The following DAPK2 variants were observed in gnomAD, a reference collection of about 807,000 sequenced individuals.
DAPK2 encodes the protein death-associated protein kinase 2.
DAPK2 carries 35 observed loss-of-function variants against 44.1 expected under a neutral mutation model. The ratio of observed to expected loss-of-function variants is 0.79; its 90% CI spans 0.61 to 1.05. DAPK2 has a LOEUF of 1.05. Ranked by LOEUF, DAPK2 falls within the 50% of genes least tolerant of loss-of-function variation. The pLI, the probability that DAPK2 is intolerant of heterozygous loss-of-function variation, is 0.00. For missense variants in DAPK2, 453 were observed against 483.2 expected, an observed-to-expected ratio of 0.94 and a Z score of 0.59; for synonymous variants, 174 against 182.6, an observed-to-expected ratio of 0.95 and a Z score of 0.38.
At chr15:63,968,283 G>C (rs1409882130) in intron 3 of DAPK2, among the ~76,000 whole-genome samples, 1 of 152,254 alleles carries the variant, frequency 6.6e-6, no homozygotes, top group African/African-American at 2.4e-5. Context: ...TAGGCCAAGG[G>C]ACCCACGGGT....
intron 1 of DAPK2, among the ~76,000 whole-genome samples, chr15:64,021,240 C>G (rs2079673532): frequency 6.6e-6 from 1 of 152,154 alleles, no homozygotes; most frequent in Admixed American, 6.5e-5. Context: ...CCCCCAGGCT[C>G]ACGTCAGCAC....
At chr15:63,915,120 T>C (rs976025160) in intron 8 of DAPK2, among the ~76,000 whole-genome samples, 1 of 152,250 alleles carries the variant, frequency 6.6e-6, no homozygotes, top group Non-Finnish European at 1.5e-5. Context: ...GCAAATATGA[T>C]ATAAATGCTA....
intron 3 of DAPK2, among the ~76,000 whole-genome samples, chr15:63,946,050 C>T (rs72752965): frequency 0.02 from 3,038 of 152,366 alleles, 52 homozygotes; most frequent in Non-Finnish European, 0.032. Context: ...CTCCAAAGCA[C>T]GGCTGGAGGG....
intron 1 of DAPK2, among the ~76,000 whole-genome samples, chr15:63,989,549 C>T (rs1052224835): frequency 2.0e-5 from 3 of 152,144 alleles, no homozygotes; most frequent in Non-Finnish European, 4.4e-5. Flanking sequence ...AGGGGCCCAT[C>T]CCAGAAGAGA....
At chr15:64,008,538 A>C (rs1300524028) in intron 1 of DAPK2, among the ~76,000 whole-genome samples, 3 of 152,260 alleles carry the variant, frequency 2.0e-5, no homozygotes, top group Non-Finnish European at 4.4e-5. Context: ...GCTGGAAACA[A>C]GCTAAGCATT....
intron 2 of DAPK2, among the ~76,000 whole-genome samples, chr15:63,982,770 G>A (rs1330813303): frequency 6.6e-6 from 1 of 152,198 alleles, no homozygotes; most frequent in African/African-American, 2.4e-5. Flanking sequence ...CCTGGCTATA[G>A]GCTCCTGTAA....
At chr15:64,042,711 A>G (rs1401141018), upstream of DAPK2, among the ~76,000 whole-genome samples, 2 of 152,178 alleles carry the variant, frequency 1.3e-5, no homozygotes, top group African/African-American at 4.8e-5. The surrounding 1 kb of genome is among the most constrained non-coding windows in gnomAD (Gnocchi z 4.7). Flanking sequence ...TATATCCTAT[A>G]TTCCAGCCAA....
At chr15:63,983,849 A>T (rs2078599149) in intron 1 of DAPK2, 95 bp from the exon 3 acceptor site, 2 of 1,246,100 alleles carry the variant, frequency 1.6e-6, no homozygotes, top group Admixed American at 2.0e-5. Flanking sequence ...ATTCAGAGTG[A>T]TTCTGCCAGG....
chr15:64,030,228 C>T (rs1251207038), intron 1 of DAPK2, among the ~76,000 whole-genome samples: 1 of 152,114 alleles, frequency 6.6e-6, no homozygotes, highest in Non-Finnish European at 1.5e-5. Flanking sequence ...GCAGAGGTTG[C>T]AGTGAGTCGA....
rs541379860 is a variant in DAPK2, at chr15:63,929,608, C to T, written c.633-31G>A. The T allele has an allele frequency of 1.3e-5, 21 of 1,613,676 alleles. No homozygotes were observed. The East Asian group carries it at 4.0e-4, about 31-fold the overall frequency. On this transcript the variant is annotated intron_variant, in intron 5 of 10. Transcript: ENST00000261891. Reference sequence around the variant, plus strand: ...AAATAAAGAACAGTCAAGTCAGGGCCACCTGGGTCCCATCCCCGACCAGCA... The same window carrying T: ...AAATAAAGAACAGTCAAGTCAGGGCTACCTGGGTCCCATCCCCGACCAGCA...
intron 4 of DAPK2, among the ~76,000 whole-genome samples, chr15:63,933,484 C>G (rs2077035658): frequency 6.6e-6 from 1 of 152,154 alleles, no homozygotes; most frequent in South Asian, 2.1e-4. Flanking sequence ...CTCAGGTGAT[C>G]CACGCCTCTC....
upstream of DAPK2, chr15:64,046,391 A>ACGGCGGGC: frequency 9.0e-6 from 2 of 221,740 alleles, no homozygotes; most frequent in Non-Finnish European, 1.3e-5. The surrounding 1 kb of genome is among the most constrained non-coding windows in gnomAD (Gnocchi z 5.3). Context: ...GCGCGGCGGG[A>ACGGCGGGC]ACGGGGGACG....
intron 3 of DAPK2, among the ~76,000 whole-genome samples, chr15:63,961,573 A>G (rs1335749771): frequency 1.3e-5 from 2 of 152,150 alleles, no homozygotes; most frequent in Non-Finnish European, 2.9e-5. Context: ...GTTTGTCTGT[A>G]AAGGATTTTA....
intron 4 of DAPK2, among the ~76,000 whole-genome samples, chr15:63,933,898 T>C (rs2077052065): frequency 6.6e-6 from 1 of 151,060 alleles, no homozygotes. Context: ...TCCAGCTGAA[T>C]TTTTTTTTTA....
At chr15:64,006,846 G>A (rs981637075) in intron 1 of DAPK2, among the ~76,000 whole-genome samples, 1 of 152,158 alleles carries the variant, frequency 6.6e-6, no homozygotes, top group Non-Finnish European at 1.5e-5. Flanking sequence ...AGGAGGTGAG[G>A]CCAAGTACAG....
chr15:63,960,106 T>C (rs2077848175), intron 3 of DAPK2, among the ~76,000 whole-genome samples: 1 of 152,232 alleles, frequency 6.6e-6, no homozygotes, highest in Non-Finnish European at 1.5e-5. Context: ...TCCAGGAATT[T>C]ATCCATTTCT....
At chr15:63,918,383 C>T (rs2078984827) in intron 8 of DAPK2, 1 of 152,330 alleles carries the variant, frequency 6.6e-6, no homozygotes, top group South Asian at 2.1e-4. Context: ...TCAGGCAATG[C>T]TAGGCTGTGA....
chr15:64,014,726 C>A (rs2079476165), intron 1 of DAPK2, among the ~76,000 whole-genome samples: 1 of 152,150 alleles, frequency 6.6e-6, no homozygotes, highest in Admixed American at 6.5e-5. Context: ...TCGAGACCAG[C>A]CTGGTCAACA....
chr15:63,915,958 G>A (rs1304722739), intron 8 of DAPK2, among the ~76,000 whole-genome samples: 1 of 151,334 alleles, frequency 6.6e-6, no homozygotes, highest in African/African-American at 2.5e-5. Context: ...TGGGGTGTGA[G>A]GGGGAGATGG....
Sources: gnomAD v4.1 joint callset for allele counts (sites outside exome capture counted in the v4.1 genomes callset) on GRCh38, gnomAD v4.1.1 for gene constraint, Gnocchi (gnomAD v3.1) non-coding constraint, MANE v1.5 for transcripts, NCBI Gene and HGNC (gene_info 2026-07-23, HGNC 2026-07-21) for gene names.